Variants in CD99 observed in about 807,000 individuals in gnomAD.
CD99 encodes the protein CD99 antigen.
In CD99, 19 loss-of-function variants were observed where a neutral mutation model predicts 28.4. The observed-to-expected ratio is 0.67, with a 90% CI of 0.47 to 0.98. The LOEUF is 0.98. Among genes scored for constraint, CD99 ranks in the 50% least tolerant of loss-of-function variants. The pLI is 0.00. For synonymous variants in CD99, 103 were observed against 92.1 expected (o/e 1.12, Z -0.67); for missense variants, 283 against 248.8 (o/e 1.14, Z -0.92).
chrX:2,714,225 A>G (rs759196830), intron 1 of CD99, among the ~76,000 whole-genome samples, 197 bp from the exon 2 acceptor site: 2 of 152,326 alleles, frequency 1.3e-5, no homozygotes, highest in South Asian at 2.1e-4. Context: ...TTTAAAACCT[A>G]GGCTAACATA....
chrX:2,707,790 A>T (rs187847683), intron 1 of CD99, among the ~76,000 whole-genome samples: 2 of 152,278 alleles, frequency 1.3e-5, no homozygotes, highest in Admixed American at 1.3e-4. Context: ...CTCTGAGGGC[A>T]TGGTTGCAGC....
At chrX:2,708,174 T>G (rs985055134) in intron 1 of CD99, among the ~76,000 whole-genome samples, 8 of 152,034 alleles carry the variant, frequency 5.3e-5, no homozygotes, top group Non-Finnish European at 1.0e-4. Context: ...GGGAACTGCA[T>G]CCCTTCACAT....
At chrX:2,723,280 C>G (rs2049093935) in intron 6 of CD99, 34 bp from the exon 7 acceptor site, 3 of 1,613,110 alleles carry the variant, frequency 1.9e-6, no homozygotes, top group East Asian at 4.5e-5. Flanking sequence ...TGACCCCAAA[C>G]CTTCCCATTG....
intron 1 of CD99, among the ~76,000 whole-genome samples, chrX:2,707,121 G>A (rs1480684729): frequency 2.0e-5 from 3 of 152,152 alleles, no homozygotes; most frequent in Non-Finnish European, 4.4e-5. Flanking sequence ...CTTGATGCCC[G>A]GAGTTTGAGA....
intron 1 of CD99, among the ~76,000 whole-genome samples, chrX:2,709,511 A>G (rs1389379672): frequency 2.0e-5 from 3 of 152,278 alleles, no homozygotes; most frequent in Non-Finnish European, 4.4e-5. Context: ...CACAATGCAC[A>G]TGAAAACACG....
intron 1 of CD99, among the ~76,000 whole-genome samples, chrX:2,706,657 A>G (rs1216527165): frequency 6.6e-6 from 1 of 151,472 alleles, no homozygotes; most frequent in Non-Finnish European, 1.5e-5. Context: ...TCATCCTCCC[A>G]CCCTTAATGG....
intron 7 of CD99, among the ~76,000 whole-genome samples, chrX:2,723,749 G>T (rs1444977820): frequency 6.6e-6 from 1 of 152,168 alleles, no homozygotes; most frequent in Non-Finnish European, 1.5e-5. Context: ...TAACCAGGTG[G>T]GAGGTGGGAA....
chrX:2,722,793 A>G, intron 6 of CD99, 119 bp downstream of exon 6: 1 of 1,093,922 alleles, frequency 9.1e-7, no homozygotes, highest in Admixed American at 1.7e-5. Context: ...TGAAATGTTC[A>G]GCCATCTCTG....
intron 2 of CD99, chrX:2,715,704 T>G (rs1487898280): frequency 6.6e-6 from 1 of 152,110 alleles, no homozygotes; most frequent in Admixed American, 6.6e-5. Flanking sequence ...TATATCCAGT[T>G]CTTTTTGGTG....
intron 1 of CD99, among the ~76,000 whole-genome samples, chrX:2,711,763 G>C (rs2048419136): frequency 6.7e-6 from 1 of 148,356 alleles, no homozygotes; most frequent in Admixed American, 6.6e-5. Context: ...AGGTTGGCTG[G>C]GTGCGGTGGC....
chrX:2,739,025 T>G (rs1221856079), intron 9 of CD99, among the ~76,000 whole-genome samples: 3 of 148,206 alleles, frequency 2.0e-5, no homozygotes, highest in Non-Finnish European at 4.5e-5. Flanking sequence ...TTTGTTGTTG[T>G]TTTTTTTTTA....
At chrX:2,719,762 T>C in intron 4 of CD99, 57 bp downstream of exon 4, 1 of 1,524,944 alleles carries the variant, frequency 6.6e-7, no homozygotes, top group East Asian at 2.2e-5. Flanking sequence ...CACCCAATTA[T>C]GATCATTTCA....
intron 2 of CD99, chrX:2,715,456 C>CTT (rs2048652128): frequency 6.6e-6 from 1 of 152,368 alleles, no homozygotes; most frequent in African/African-American, 2.4e-5. Flanking sequence ...TCACTCCAGT[C>CTT]TCTGCCTCCT....
At chrX:2,738,072 G>A (rs1216772410) in intron 8 of CD99, 128 bp from the exon 9 acceptor site, 1 of 846,736 alleles carries the variant, frequency 1.2e-6, no homozygotes, top group South Asian at 1.3e-5. Context: ...TCGGGGTTCA[G>A]AACTGAGTGC....
chrX:2,726,271 G>A lies in CD99; in HGVS notation c.373G>A (p.Gly125Ser), dbSNP rs2049277096. ...GCTTCCTCCTGCAGCCGACGCCCCA[G>A]GCGTGATCCCCGGGATTGTGGGGGC... Reference protein sequence around the residue: ...RKEGEEADAPGVIPGIVGAVV... With the variant: ...RKEGEEADAPSVIPGIVGAVV... Residue 125 changes from glycine (G) to serine (S), a missense_variant, in exon 8 of 10, where the codon GGC (glycine) becomes AGC (serine). Transcript: ENST00000381192. 6.2e-7 allele frequency: 1 copy of A among 1,610,106 alleles called. No homozygotes were observed. The highest frequency in any genetic ancestry group is 8.5e-7 in the Non-Finnish European group (1 of 1,178,118).
intron 8 of CD99, chrX:2,733,470 G>A (rs772210672): frequency 1.7e-5 from 22 of 1,322,230 alleles, no homozygotes; most frequent in Admixed American, 4.0e-5. Context: ...TCCATCTGCC[G>A]CTCCCCTCGC....
At chrX:2,734,161 G>A (rs1447166986) in intron 8 of CD99, among the ~76,000 whole-genome samples, 1 of 151,106 alleles carries the variant, frequency 6.6e-6, no homozygotes, top group Non-Finnish European at 1.5e-5. Flanking sequence ...GTTCTTCAAT[G>A]TAATTGATTT....
At chrX:2,696,992 A>T (rs2047606765) in intron 1 of CD99, among the ~76,000 whole-genome samples, 1 of 152,200 alleles carries the variant, frequency 6.6e-6, no homozygotes, top group South Asian at 2.1e-4. Flanking sequence ...CCAGAGTCAG[A>T]TTCAAACCAG....
chrX:2,711,441 G>GTATA (rs4061822), intron 1 of CD99, among the ~76,000 whole-genome samples: 8 of 146,842 alleles, frequency 5.4e-5, no homozygotes, highest in East Asian at 4.1e-4. Flanking sequence ...GTGTATGTGT[G>GTATA]TATATATATA....
Sources: gnomAD v4.1 joint callset for allele counts (sites outside exome capture counted in the v4.1 genomes callset) on GRCh38, gnomAD v4.1.1 for gene constraint, MANE v1.5 for transcripts, NCBI Gene and HGNC (gene_info 2026-07-23, HGNC 2026-07-21) for gene names.